Variants in BRCC3 observed in about 807,000 individuals in gnomAD.
BRCC3 encodes the protein BRCA1/BRCA2-containing complex subunit 3.
In BRCC3, 15 loss-of-function variants were observed where a neutral mutation model predicts 28.0. The ratio of observed to expected loss-of-function variants is 0.54; its 90% CI spans 0.36 to 0.82. The LOEUF (loss-of-function observed/expected upper bound fraction) is 0.82. BRCC3 is among the 40% of genes least tolerant of loss of function. The pLI, the probability that BRCC3 is intolerant of heterozygous loss-of-function variation, is 0.01. For synonymous variants in BRCC3, 66 were observed against 80.3 expected (o/e 0.82, Z 0.95); for missense variants, 109 against 225.9 (o/e 0.48, Z 3.32).
At chrX:155,086,507 C>T (rs1037032071) in intron 5 of BRCC3, among the ~76,000 whole-genome samples, 20 of 110,930 alleles carry the variant, frequency 1.8e-4, no homozygotes, top group African/African-American at 6.6e-4. Flanking sequence ...CGCGCCACCA[C>T]GCCTGGCTAA....
intron 3 of BRCC3, 60 bp from the exon 4 acceptor site, chrX:155,077,110 G>A: frequency 9.7e-7 from 1 of 1,027,052 alleles, no homozygotes; most frequent in South Asian, 2.5e-5. Flanking sequence ...TTCTATAGTT[G>A]AAGGGGGATG....
intron 3 of BRCC3, among the ~76,000 whole-genome samples, chrX:155,076,469 G>C (rs782607313): frequency 1.8e-5 from 2 of 111,572 alleles, no homozygotes; most frequent in Non-Finnish European, 3.8e-5. Flanking sequence ...TTGACTCACA[G>C]TTCCACATGG....
At chrX:155,099,745 G>T (rs974983040) in intron 7 of BRCC3, among the ~76,000 whole-genome samples, 1 of 111,421 alleles carries the variant, frequency 9.0e-6, no homozygotes, top group Non-Finnish European at 1.9e-5. Flanking sequence ...TTTGTTTTAG[G>T]TATGCCTCTT....
chrX:155,075,967 A>G (rs3850322), intron 3 of BRCC3, among the ~76,000 whole-genome samples: 3,289 of 112,244 alleles, frequency 0.029, 115 homozygotes, highest in African/African-American at 0.099. Flanking sequence ...ACTTCCCACA[A>G]TAATCAAGGA....
At chrX:155,116,602 T>G (rs1557298808) in intron 8 of BRCC3, 109 bp from the exon 9 acceptor site, 2 of 445,161 alleles carry the variant, frequency 4.5e-6, no homozygotes, top group African/African-American at 5.0e-5. Context: ...TATTGGGGAT[T>G]TAAATACTAC....
intron 3 of BRCC3, among the ~76,000 whole-genome samples, chrX:155,076,171 G>C (rs1359724605): frequency 1.8e-5 from 2 of 111,767 alleles, no homozygotes; most frequent in African/African-American, 3.3e-5. Flanking sequence ...AGCACTTCGA[G>C]AGGTCGAGGC....
chrX:155,105,192 G>C (rs1486729510), intron 7 of BRCC3, among the ~76,000 whole-genome samples: 1 of 112,135 alleles, frequency 8.9e-6, no homozygotes, highest in Admixed American at 9.4e-5. Context: ...TGTTTAAAAA[G>C]TTTGTGTTAG....
At chrX:155,099,415 C>T (rs782292878) in intron 7 of BRCC3, 1 of 1,199,736 alleles carries the variant, frequency 8.3e-7, no homozygotes, top group South Asian at 1.8e-5. Flanking sequence ...GGGGCCTGTC[C>T]CCCAGCTCAA....
intron 5 of BRCC3, 73 bp from the exon 6 acceptor site, chrX:155,089,190 T>A: frequency 2.8e-6 from 2 of 713,071 alleles, no homozygotes; most frequent in Non-Finnish European, 4.2e-6. Context: ...AATCTTTAAG[T>A]CAATCTTTAA....
chrX:155,086,011 C>T (rs1202239378), intron 5 of BRCC3, among the ~76,000 whole-genome samples: 1 of 111,483 alleles, frequency 9.0e-6, no homozygotes, highest in Non-Finnish European at 1.9e-5. Flanking sequence ...GTTTTGGTAG[C>T]GGCCAGCCTG....
At chrX:155,117,768 G>A (rs1027874563) in intron 9 of BRCC3, among the ~76,000 whole-genome samples, 5 of 111,576 alleles carry the variant, frequency 4.5e-5, no homozygotes, top group Non-Finnish European at 5.7e-5. Flanking sequence ...TTAAATAAAT[G>A]AAAAAAGCAT....
chrX:155,119,665 G>A (rs1412171640), intron 9 of BRCC3, among the ~76,000 whole-genome samples: 1 of 112,344 alleles, frequency 8.9e-6, no homozygotes, highest in Non-Finnish European at 1.9e-5. Context: ...AGCAAGGGAA[G>A]GTCTGAGAGG....
intron 9 of BRCC3, among the ~76,000 whole-genome samples, chrX:155,117,397 C>T (rs1557298955): frequency 8.9e-6 from 1 of 111,947 alleles, no homozygotes; most frequent in Non-Finnish European, 1.9e-5. Context: ...ATACACATTG[C>T]CCCAGCCACA....
At chrX:155,074,727 CTAAAT>C (rs1261906141) in intron 3 of BRCC3, among the ~76,000 whole-genome samples, 1 of 112,259 alleles carries the variant, frequency 8.9e-6, no homozygotes, top group Non-Finnish European at 1.9e-5. Flanking sequence ...TTTGTACTGT[CTAAAT>C]TAGATATTAA....
In BRCC3 at chrX:155,122,757, T is replaced by C. The variant is rs1300331167; in HGVS notation, c.*1553T>C. On this transcript the variant is annotated 3_prime_UTR_variant, in exon 11 of 11. Coordinates refer to ENST00000330045, the MANE Select transcript of BRCC3 (RefSeq NM_001018055.3). ...AAACCAGTCTCAAATGGTCACATAC[T>C]GTATGATCGCATTTATATAACATTC... 2.7e-5 allele frequency: 3 copies of C among 111,390 alleles called. No homozygotes were observed. The highest frequency in any genetic ancestry group is 9.8e-5 in the African/African-American group (3 of 30,617). 9.2% of individuals were successfully genotyped at this position (111,390 alleles called of 1,213,427 possible).
In BRCC3 at chrX:155,075,338, TTGATTCA is replaced by T. The variant is rs1557293439; in HGVS notation, c.196-1831_196-1825del. Among the ~76,000 whole-genome samples the T allele has an allele frequency of 5.4e-4, 29 of 54,075 alleles. 1 individual carries two copies. Among genetic ancestry groups the T allele is most frequent in the Admixed American group, 4.2e-3 (22 of 5,224 alleles). 47.0% of individuals were successfully genotyped at this position (54,075 alleles called of 115,157 possible). ...CCCACACTAAATGTGGCCACTCCCC[TTGATTCA>T]GGCCAAGACCTCTGCTCCCTTTCTC... On this transcript the variant is annotated intron_variant, in intron 3 of 10. Transcript: ENST00000330045.
In BRCC3 at chrX:155,091,524, G is replaced by A. The variant is rs189128245; in HGVS notation, c.548+685G>A. On this transcript the variant is annotated intron_variant, in intron 7 of 10. Coordinates refer to ENST00000330045, the MANE Select transcript of BRCC3 (RefSeq NM_001018055.3). ...TGACCTCAGGTGATCCGCCTGCCTC[G>A]GCCTCCTAAAATACTGGGATTACAG... Among the ~76,000 whole-genome samples the A allele has an allele frequency of 9.9e-5, 11 of 110,910 alleles. No homozygotes were observed. The East Asian group carries it at 2.2e-3, about 23-fold the overall frequency.
chrX:155,071,753 C>T, intron 1 of BRCC3, 103 bp downstream of exon 1: 2 of 961,791 alleles, frequency 2.1e-6, no homozygotes, highest in Non-Finnish European at 2.9e-6. Context: ...CACAGGCATC[C>T]TCGATTTAGG....
rs1443457434 is a variant in BRCC3 at position 155,104,247 on chromosome X, C to T, written c.549-11810C>T. ...ATGCCTGATAATTTTTGATTGGATGCAGACACTGTGAATTTTACCTTATTG... is the reference window on the plus strand; with the variant it reads ...ATGCCTGATAATTTTTGATTGGATGTAGACACTGTGAATTTTACCTTATTG... On this transcript the variant is annotated intron_variant, in intron 7 of 10. Coordinates refer to ENST00000330045, the MANE Select transcript of BRCC3 (RefSeq NM_001018055.3). Among the ~76,000 whole-genome samples the T allele has an allele frequency of 2.7e-5, 3 of 111,410 alleles. No homozygotes were observed. In the Admixed American group the frequency reaches 2.9e-4, roughly 11 times the overall value.
Sources: allele counts gnomAD v4.1 joint callset (sites outside exome capture counted in the v4.1 genomes callset), GRCh38; gene constraint gnomAD v4.1.1; transcripts MANE v1.5; gene names NCBI Gene and HGNC (gene_info 2026-07-23, HGNC 2026-07-21).